The following LARP4B variants were observed in gnomAD, a reference collection of about 807,000 sequenced individuals.
LARP4B encodes La ribonucleoprotein 4B.
In LARP4B, 12 loss-of-function variants were observed where a neutral mutation model predicts 89.8. That is an observed-to-expected ratio of 0.13 (90% CI 0.09 to 0.22). LARP4B has a LOEUF of 0.22. Ranked by LOEUF, LARP4B falls within the 10% of genes least tolerant of loss-of-function variation. The pLI is 1.00. For synonymous variants in LARP4B, 367 were observed against 363.3 expected, an observed-to-expected ratio of 1.01 and a Z score of -0.12; for missense variants, 757 against 947.7, an observed-to-expected ratio of 0.80 and a Z score of 2.64.
At chr10:845,900 G>A (rs1833756014) in intron 5 of LARP4B, among the ~76,000 whole-genome samples, 1 of 152,190 alleles carries the variant, frequency 6.6e-6, no homozygotes, top group African/African-American at 2.4e-5. Context: ...TATCTTAAAA[G>A]TCAAAGTTAA....
At chr10:967,594 T>C in the LARP4B span, among the ~76,000 whole-genome samples, 3 of 151,972 alleles carry the variant, frequency 2.0e-5, no homozygotes, top group African/African-American at 4.8e-5. Flanking sequence ...TGCCACGAAA[T>C]CGCAGAACTC....
the LARP4B span, among the ~76,000 whole-genome samples, chr10:969,104 A>C: frequency 1.3e-5 from 2 of 152,172 alleles, no homozygotes; most frequent in Non-Finnish European, 2.9e-5. Flanking sequence ...CTGTCTTATG[A>C]GGAATAGTGG....
At chr10:820,885 A>G (rs1394583721) in intron 13 of LARP4B, 40 bp from the exon 14 acceptor site, 1 of 1,588,244 alleles carries the variant, frequency 6.3e-7, no homozygotes, top group South Asian at 1.1e-5. Flanking sequence ...TTTTTTTCCC[A>G]CTTGGAGAAT....
chr10:844,777 C>A (rs1833694261), intron 6 of LARP4B, among the ~76,000 whole-genome samples, 200 bp downstream of exon 6: 1 of 152,024 alleles, frequency 6.6e-6, no homozygotes, highest in African/African-American at 2.4e-5. Flanking sequence ...CCACCGAGAC[C>A]ACTGGGGACC....
At chr10:900,180 TC>T in intron 1 of LARP4B, among the ~76,000 whole-genome samples, 1 of 151,978 alleles carries the variant, frequency 6.6e-6, no homozygotes. Context: ...ACCCCGTCTC[TC>T]CTAAAAAATA....
intron 3 of LARP4B, among the ~76,000 whole-genome samples, chr10:878,480 C>T (rs919175098): frequency 3.9e-5 from 6 of 152,224 alleles, no homozygotes; most frequent in African/African-American, 4.8e-5. Context: ...TGAAGATACA[C>T]GTTTCTCCTA....
At chr10:988,287 C>T in the LARP4B span, 94 of 589,614 alleles carry the variant, frequency 1.6e-4, no homozygotes, top group East Asian at 2.2e-3. Flanking sequence ...GGCCCTCACA[C>T]GCCCTCCGTG....
the LARP4B span, among the ~76,000 whole-genome samples, chr10:982,816 G>C: frequency 6.6e-6 from 1 of 152,234 alleles, no homozygotes; most frequent in Non-Finnish European, 1.5e-5. Flanking sequence ...CTATGAAGAT[G>C]ATCAGCTGAA....
intron 1 of LARP4B, among the ~76,000 whole-genome samples, chr10:929,794 A>C (rs1190056264): frequency 6.6e-6 from 1 of 152,206 alleles, no homozygotes; most frequent in East Asian, 1.9e-4. Context: ...AACTCAACTC[A>C]CATTAACTTT....
chr10:825,908 A>G, intron 11 of LARP4B, 38 bp from the exon 12 acceptor site: 1 of 1,336,556 alleles, frequency 7.5e-7, no homozygotes, highest in South Asian at 1.2e-5. Flanking sequence ...AATAAACCAT[A>G]AAACAGACTT....
intron 14 of LARP4B, chr10:820,223 AG>A (rs1313509882): frequency 1.3e-5 from 2 of 152,442 alleles, no homozygotes; most frequent in Non-Finnish European, 2.9e-5. Context: ...CATTTTCCAC[AG>A]GAGAAACTCT....
At chr10:806,952 G>A (rs1243404577), downstream of LARP4B, 1 of 152,376 alleles carries the variant, frequency 6.6e-6, no homozygotes, top group Admixed American at 6.5e-5. Context: ...ATACGCAACA[G>A]TTAGAAGACT....
chr10:909,786 T>TA (rs888078301), intron 1 of LARP4B, among the ~76,000 whole-genome samples: 53 of 142,630 alleles, frequency 3.7e-4, no homozygotes, highest in African/African-American at 6.4e-4. Context: ...ACTCCATCTC[T>TA]AAAAAAAAAA....
At chr10:844,481 T>TC (rs1269131300) in intron 6 of LARP4B, among the ~76,000 whole-genome samples, 7 of 152,156 alleles carry the variant, frequency 4.6e-5, no homozygotes, top group Admixed American at 6.5e-5. Context: ...ACACGGCCCA[T>TC]CGGTTGTTGT....
chr10:868,990 T>C (rs971782008), intron 3 of LARP4B, among the ~76,000 whole-genome samples: 4 of 152,194 alleles, frequency 2.6e-5, no homozygotes, highest in Non-Finnish European at 5.9e-5. Context: ...GAAAACTAAT[T>C]TCCTGTTGTT....
chr10:869,629 G>A (rs1225745467), intron 3 of LARP4B, among the ~76,000 whole-genome samples: 1 of 152,108 alleles, frequency 6.6e-6, no homozygotes, highest in Admixed American at 6.6e-5. Context: ...GCTCATGCCT[G>A]CAATGCCAGC....
chr10:898,652 C>T (rs183222404), intron 1 of LARP4B, among the ~76,000 whole-genome samples: 41 of 152,160 alleles, frequency 2.7e-4, no homozygotes, highest in Non-Finnish European at 4.4e-4. Context: ...TTTTCTGGTA[C>T]GAAAGGGTAA....
At chr10:907,631 G>A (rs1477323270) in intron 1 of LARP4B, among the ~76,000 whole-genome samples, 1 of 152,196 alleles carries the variant, frequency 6.6e-6, no homozygotes, top group Admixed American at 6.5e-5. Flanking sequence ...GTGAGATCGT[G>A]AAATATATAT....
chr10:960,798 A>C, the LARP4B span, among the ~76,000 whole-genome samples: 1 of 151,754 alleles, frequency 6.6e-6, no homozygotes, highest in Admixed American at 6.6e-5. Context: ...TAACACGGTT[A>C]ATTTCAGGGA....
Sources: gnomAD v4.1 joint callset for allele counts (sites outside exome capture counted in the v4.1 genomes callset) on GRCh38, gnomAD v4.1.1 for gene constraint, MANE v1.5 for transcripts, NCBI Gene and HGNC (gene_info 2026-07-23, HGNC 2026-07-21) for gene names.